The following CIMAP1D variants were observed in gnomAD, a reference collection of about 807,000 sequenced individuals.
CIMAP1D encodes CIMAP1 family member D.
chr19:482,409 G>T, the CIMAP1D span, among the ~76,000 whole-genome samples: 1 of 152,150 alleles, frequency 6.6e-6, no homozygotes, highest in African/African-American at 2.4e-5. Context: ...GCCCCCAGGG[G>T]ACACTTGGCT....
chr19:470,259 T>G, the CIMAP1D span, among the ~76,000 whole-genome samples: 60 of 148,374 alleles, frequency 4.0e-4, no homozygotes, highest in East Asian at 0.012. Context: ...CAGGCTGGAG[T>G]GCAGTGGCAC....
At chr19:463,762 G>C in the CIMAP1D span, 8 of 1,517,838 alleles carry the variant, frequency 5.3e-6, no homozygotes, top group East Asian at 1.7e-4. Flanking sequence ...AGCCCCTCTC[G>C]CCTTCTAGCC....
the CIMAP1D span, among the ~76,000 whole-genome samples, chr19:480,984 G>A: frequency 3.8e-5 from 5 of 132,454 alleles, no homozygotes; most frequent in African/African-American, 1.6e-4. Context: ...AAGGATGATG[G>A]AGAACGATGA....
the CIMAP1D span, chr19:490,084 G>A: frequency 5.0e-6 from 2 of 397,678 alleles, no homozygotes; most frequent in East Asian, 7.1e-5. Flanking sequence ...GGCCGGGCGC[G>A]TTGGCTCACG....
At chr19:486,168 C>A in the CIMAP1D span, among the ~76,000 whole-genome samples, 3 of 152,166 alleles carry the variant, frequency 2.0e-5, no homozygotes, top group South Asian at 4.1e-4. Context: ...GACGAGGACA[C>A]CGAAGCTCAG....
the CIMAP1D span, among the ~76,000 whole-genome samples, chr19:470,353 C>T: frequency 6.8e-6 from 1 of 148,120 alleles, no homozygotes; most frequent in Non-Finnish European, 1.5e-5. Flanking sequence ...ACTATAGGCG[C>T]CCGCCACCAC....
At chr19:491,543 G>T in the CIMAP1D span, among the ~76,000 whole-genome samples, 1 of 152,114 alleles carries the variant, frequency 6.6e-6, no homozygotes, top group East Asian at 1.9e-4. Flanking sequence ...GCTGGGGTGA[G>T]CCTGGAGATG....
the CIMAP1D span, among the ~76,000 whole-genome samples, chr19:485,985 G>A: frequency 6.8e-4 from 104 of 152,260 alleles, no homozygotes; most frequent in African/African-American, 1.9e-3. Flanking sequence ...CTTTGTTCCC[G>A]GGAGACTCTA....
At chr19:467,757 G>A in the CIMAP1D span, 10 of 1,596,444 alleles carry the variant, frequency 6.3e-6, no homozygotes, top group South Asian at 4.5e-5. Context: ...GTGTCCTGAG[G>A]TGGTGCTGGG....
chr19:475,030 G>A, the CIMAP1D span: 2 of 344,082 alleles, frequency 5.8e-6, no homozygotes, highest in African/African-American at 2.1e-5. Flanking sequence ...GGTGTCAGCA[G>A]AGTGCGTCTC....
the CIMAP1D span, chr19:475,004 G>A: frequency 2.6e-6 from 1 of 378,226 alleles, no homozygotes; most frequent in South Asian, 1.1e-4. Context: ...CGGCTGGATG[G>A]TCCAGGAAAG....
At chr19:481,222 G>GGGAAGGATGAT in the CIMAP1D span, among the ~76,000 whole-genome samples, 25 of 105,362 alleles carry the variant, frequency 2.4e-4, 3 homozygotes, top group African/African-American at 2.1e-3. Context: ...GAAGGATGAT[G>GGGAAGGATGAT]GGGAAGGATG....
At chr19:469,726 C>G in the CIMAP1D span, among the ~76,000 whole-genome samples, 2 of 152,016 alleles carry the variant, frequency 1.3e-5, no homozygotes, top group Non-Finnish European at 2.9e-5. Context: ...AATCCCTGGT[C>G]ATAATCCCAT....
chr19:487,338 A>G, the CIMAP1D span, among the ~76,000 whole-genome samples: 3 of 152,096 alleles, frequency 2.0e-5, no homozygotes, highest in Admixed American at 2.0e-4. Flanking sequence ...ATTTCTCCGC[A>G]CAGCACCACT....
At chr19:489,097 A>G in the CIMAP1D span, 2 of 152,140 alleles carry the variant, frequency 1.3e-5, no homozygotes, top group African/African-American at 2.4e-5. Context: ...GTTGTGGTTC[A>G]GCTGCGGGGG....
the CIMAP1D span, chr19:474,757 G>A: frequency 6.6e-7 from 1 of 1,507,564 alleles, no homozygotes; most frequent in East Asian, 2.5e-5. Flanking sequence ...TGGTGGGCAG[G>A]CGATGGCCCC....
At chr19:464,648 C>A in the CIMAP1D span, among the ~76,000 whole-genome samples, 1 of 152,228 alleles carries the variant, frequency 6.6e-6, no homozygotes. Context: ...CCTTCCAGAG[C>A]CCCACAGCCT....
the CIMAP1D span, chr19:463,589 C>G: frequency 1.8e-6 from 1 of 550,736 alleles, no homozygotes; most frequent in Non-Finnish European, 3.1e-6. Flanking sequence ...CCCCACCTGG[C>G]CTGGCCTGGC....
the CIMAP1D span, among the ~76,000 whole-genome samples, chr19:470,499 C>T: frequency 3.3e-5 from 5 of 152,344 alleles, no homozygotes; most frequent in Admixed American, 3.3e-4. Context: ...GCGTGAGCCA[C>T]CGCGCCCGGC....
Sources: gnomAD v4.1 joint callset for allele counts (sites outside exome capture counted in the v4.1 genomes callset) on GRCh38, gnomAD v4.1.1 for gene constraint, MANE v1.5 for transcripts, NCBI Gene and HGNC (gene_info 2026-07-23, HGNC 2026-07-21) for gene names.